Variants in EVA1A observed in about 807,000 individuals in gnomAD.
EVA1A encodes protein eva-1 homolog A.
A neutral mutation model predicts 9.8 loss-of-function variants in EVA1A; 7 were observed. The observed-to-expected ratio is 0.71, with a 90% CI of 0.41 to 1.34. The LOEUF (loss-of-function observed/expected upper bound fraction) is 1.34. Among genes scored for constraint, EVA1A ranks in the 40% most tolerant of loss-of-function variants. The pLI is 0.01. For synonymous variants in EVA1A, 90 were observed against 85.6 expected, an observed-to-expected ratio of 1.05 and a Z score of -0.28; for missense variants, 206 against 205.9, an observed-to-expected ratio of 1.00 and a Z score of 0.00.
intron 1 of EVA1A, among the ~76,000 whole-genome samples, chr2:75,549,634 T>C (rs1676457693): frequency 6.6e-6 from 1 of 152,202 alleles, no homozygotes; most frequent in Non-Finnish European, 1.5e-5. Flanking sequence ...ACCTTCAAGC[T>C]GGAAATGTGA....
intron 1 of EVA1A, among the ~76,000 whole-genome samples, chr2:75,523,111 G>A (rs1045246163): frequency 1.3e-5 from 2 of 152,172 alleles, no homozygotes; most frequent in Non-Finnish European, 1.5e-5. Flanking sequence ...CCCACTTCAC[G>A]TGTGCACACT....
At chr2:75,514,502 AT>A (rs1674935999) in intron 3 of EVA1A, among the ~76,000 whole-genome samples, 2 of 152,194 alleles carry the variant, frequency 1.3e-5, no homozygotes, top group African/African-American at 4.8e-5. Context: ...TTTTAATAAA[AT>A]AACATTTCTT....
At chr2:75,495,115 A>G (rs1674163460) in intron 3 of EVA1A, among the ~76,000 whole-genome samples, 3 of 152,102 alleles carry the variant, frequency 2.0e-5, no homozygotes, top group Admixed American at 2.0e-4. Context: ...GAGTCCCCAC[A>G]GTCTATTATA....
chr2:75,517,525 G>C (rs1443656254), intron 3 of EVA1A, among the ~76,000 whole-genome samples: 3 of 152,158 alleles, frequency 2.0e-5, no homozygotes, highest in Admixed American at 6.5e-5. Flanking sequence ...ACTAAAGAGT[G>C]CAACTTTGAA....
intron 1 of EVA1A, among the ~76,000 whole-genome samples, chr2:75,547,180 T>C (rs1302698289): frequency 1.3e-5 from 2 of 152,214 alleles, no homozygotes; most frequent in East Asian, 1.9e-4. Context: ...CCTCCCTACG[T>C]GCATTCCCTT....
chr2:75,524,848 T>C lies in EVA1A; in HGVS notation c.-191-2361A>G, dbSNP rs73938939. On this transcript the variant is annotated intron_variant, in intron 1 of 3. Coordinates refer to ENST00000393913, the MANE Select transcript of EVA1A (RefSeq NM_001135032.2). ...GGTTCCATTAATGAATGATTCTTCT[T>C]TGACTTTCCCTTTTCTGGCTGATCT... is the stretch of plus-strand genomic sequence containing the variant. 5.1e-3 allele frequency among the ~76,000 whole-genome samples: 779 copies of C among 152,274 alleles called. 5 individuals carry two copies. The highest frequency in any genetic ancestry group is 0.017 in the African/African-American group (725 of 41,568).
chr2:75,516,406 T>A (rs1675007104), intron 3 of EVA1A, among the ~76,000 whole-genome samples: 1 of 152,234 alleles, frequency 6.6e-6, no homozygotes, highest in Non-Finnish European at 1.5e-5. Context: ...CAGCCCGTAC[T>A]TACTTAAAGA....
chr2:75,494,279 C>T (rs1674129358), intron 3 of EVA1A, among the ~76,000 whole-genome samples: 1 of 152,222 alleles, frequency 6.6e-6, no homozygotes, highest in African/African-American at 2.4e-5. Context: ...TATGTGGCTT[C>T]TGCAGGGTCA....
At chr2:75,541,178 G>C (rs1676104384) in intron 1 of EVA1A, among the ~76,000 whole-genome samples, 1 of 152,188 alleles carries the variant, frequency 6.6e-6, no homozygotes, top group Non-Finnish European at 1.5e-5. Flanking sequence ...CCAACCTGCA[G>C]AGCTTTAAAA....
intron 1 of EVA1A, among the ~76,000 whole-genome samples, chr2:75,543,796 G>A (rs915072359): frequency 1.3e-5 from 2 of 152,146 alleles, no homozygotes; most frequent in African/African-American, 4.8e-5. Context: ...CTCCCCGGAG[G>A]TGAAAGCCCT....
intron 2 of EVA1A, chr2:75,518,890 C>T (rs920245481): frequency 3.0e-6 from 3 of 984,350 alleles, no homozygotes; most frequent in African/African-American, 1.7e-5. Flanking sequence ...ACTGCCAAAG[C>T]AGTTCTCATT....
At chr2:75,517,777 A>C (rs1472017109) in intron 3 of EVA1A, 4 of 718,038 alleles carry the variant, frequency 5.6e-6, no homozygotes, top group Non-Finnish European at 1.0e-5. Context: ...TAGTGACAGA[A>C]GCCAACAGTA....
intron 1 of EVA1A, among the ~76,000 whole-genome samples, chr2:75,539,635 T>G (rs1439986374): frequency 6.6e-6 from 1 of 152,194 alleles, no homozygotes; most frequent in Non-Finnish European, 1.5e-5. Context: ...ATTTGAAGAT[T>G]ATTGCAATAG....
chr2:75,530,676 GA>G (rs1019267385), intron 1 of EVA1A, among the ~76,000 whole-genome samples: 4 of 151,952 alleles, frequency 2.6e-5, no homozygotes, highest in African/African-American at 7.3e-5. Context: ...AATAGATGCA[GA>G]AAAAAAATTT....
intron 3 of EVA1A, among the ~76,000 whole-genome samples, chr2:75,503,936 T>C (rs1223429595): frequency 6.6e-6 from 1 of 152,172 alleles, no homozygotes; most frequent in Non-Finnish European, 1.5e-5. Flanking sequence ...ACTTGATCAC[T>C]ACACATTATA....
chr2:75,546,065 G>T (rs1393043884), intron 1 of EVA1A, among the ~76,000 whole-genome samples: 1 of 152,172 alleles, frequency 6.6e-6, no homozygotes, highest in African/African-American at 2.4e-5. Flanking sequence ...TGAAAGGAAG[G>T]GAAAGTGAGA....
chr2:75,519,879 CA>C (rs1375254768), intron 2 of EVA1A, among the ~76,000 whole-genome samples: 1 of 152,136 alleles, frequency 6.6e-6, no homozygotes, highest in African/African-American at 2.4e-5. Context: ...GGGAGTTTTG[CA>C]ACAATCTCCT....
chr2:75,534,280 T>C (rs1192810467), intron 1 of EVA1A, among the ~76,000 whole-genome samples: 1 of 151,918 alleles, frequency 6.6e-6, no homozygotes, highest in Non-Finnish European at 1.5e-5. Context: ...AATTAATGTA[T>C]GTAAAGGAAA....
At chr2:75,568,287 T>G (rs116232052) in intron 1 of EVA1A, among the ~76,000 whole-genome samples, 1,782 of 151,680 alleles carry the variant, frequency 0.012, 38 homozygotes, top group African/African-American at 0.041. Flanking sequence ...TATTTGATAA[T>G]GAATAATAAA....
Sources: allele counts gnomAD v4.1 joint callset (sites outside exome capture counted in the v4.1 genomes callset), GRCh38; gene constraint gnomAD v4.1.1; transcripts MANE v1.5; gene names NCBI Gene and HGNC (gene_info 2026-07-23, HGNC 2026-07-21).